Variants in RBM19 observed in about 807,000 individuals in gnomAD.
RBM19 encodes RNA binding motif protein 19, also known as probable RNA-binding protein 19.
In RBM19, 94 loss-of-function variants were observed where a neutral mutation model predicts 116.8. The ratio of observed to expected loss-of-function variants is 0.80; its 90% CI spans 0.68 to 0.95. The LOEUF (loss-of-function observed/expected upper bound fraction) is 0.95. Among genes scored for constraint, RBM19 ranks in the 40% least tolerant of loss-of-function variants. The pLI, the probability that RBM19 is intolerant of heterozygous loss-of-function variation, is 0.00. For missense variants in RBM19, 1,161 were observed against 1,220.7 expected, an observed-to-expected ratio of 0.95 and a Z score of 0.73; for synonymous variants, 475 against 494.1, an observed-to-expected ratio of 0.96 and a Z score of 0.51.
chr12:113,927,029 C>A (rs762481279), intron 17 of RBM19, 25 bp downstream of exon 17: 2 of 1,601,726 alleles, frequency 1.2e-6, no homozygotes, highest in Non-Finnish European at 8.5e-7. Context: ...CACGCCCCTC[C>A]CTCCTGGGCT....
chr12:113,926,508 A>G (rs1167045045), intron 17 of RBM19, among the ~76,000 whole-genome samples: 1 of 152,146 alleles, frequency 6.6e-6, no homozygotes, highest in Non-Finnish European at 1.5e-5. Flanking sequence ...TTGTTTCCTG[A>G]TCGCTGGTCC....
At chr12:113,838,783 A>G (rs375218137) in intron 23 of RBM19, among the ~76,000 whole-genome samples, 1 of 152,214 alleles carries the variant, frequency 6.6e-6, no homozygotes, top group East Asian at 1.9e-4. Context: ...TCAGGGACCC[A>G]GGGAAGATGA....
chr12:113,848,032 C>A (rs1252685702), intron 22 of RBM19, among the ~76,000 whole-genome samples: 2 of 152,200 alleles, frequency 1.3e-5, no homozygotes, highest in African/African-American at 2.4e-5. Context: ...TGCTCCAGTG[C>A]TTATGAGCTG....
At chr12:113,949,978 C>A in intron 9 of RBM19, 105 bp downstream of exon 9, 2 of 1,036,670 alleles carry the variant, frequency 1.9e-6, no homozygotes, top group Non-Finnish European at 2.9e-6. Flanking sequence ...AGAGACACTG[C>A]ATTCTTGGTG....
At chr12:113,875,872 A>C (rs552453821) in intron 21 of RBM19, among the ~76,000 whole-genome samples, 127 of 152,226 alleles carry the variant, frequency 8.3e-4, no homozygotes, top group African/African-American at 2.9e-3. Context: ...CACACACAGG[A>C]GAGGGGCCGT....
At chr12:113,963,363 G>C (rs1208132978) in intron 1 of RBM19, among the ~76,000 whole-genome samples, 1 of 152,188 alleles carries the variant, frequency 6.6e-6, no homozygotes, top group Non-Finnish European at 1.5e-5. Context: ...TTTCTAAGCA[G>C]ATACTGGGAT....
intron 21 of RBM19, among the ~76,000 whole-genome samples, chr12:113,907,886 C>T (rs144641772): frequency 1.6e-4 from 24 of 152,156 alleles, no homozygotes; most frequent in African/African-American, 5.1e-4. Flanking sequence ...AACTCTGCTG[C>T]GGAAGCCCCA....
intron 18 of RBM19, among the ~76,000 whole-genome samples, chr12:113,921,615 A>G (rs1200781132): frequency 6.6e-6 from 1 of 152,288 alleles, no homozygotes; most frequent in East Asian, 1.9e-4. Context: ...AGCCAACTGC[A>G]TTAAGGAATT....
At chr12:113,940,213 A>T in intron 14 of RBM19, 53 bp from the exon 15 acceptor site, 1 of 1,535,368 alleles carries the variant, frequency 6.5e-7, no homozygotes, top group Non-Finnish European at 8.9e-7. Context: ...GAGGGTCCCC[A>T]GCTGACACCA....
chr12:113,872,309 T>C (rs890164244), intron 21 of RBM19, among the ~76,000 whole-genome samples: 4 of 146,676 alleles, frequency 2.7e-5, no homozygotes, highest in African/African-American at 7.6e-5. Flanking sequence ...GTCTGAGAAG[T>C]GAGGAGCCCC....
At position 113,825,419 on chromosome 12, in the gene RBM19, T is replaced by C. The variant is rs16943277; in HGVS notation, c.2786-2098A>G. ...CTTGTGACCTCCTAGACACTCTTGG[T>C]TTCCTTATAATCGCCAGCCCTGGAG... On this transcript the variant is annotated intron_variant, in intron 23 of 23. Transcript: ENST00000261741. The surrounding 1 kb of genome is among the most constrained non-coding windows in gnomAD (Gnocchi z 5.7). 0.031 allele frequency among the ~76,000 whole-genome samples: 4,689 copies of C among 152,286 alleles called. 232 individuals are homozygous for C. Among genetic ancestry groups the C allele is most frequent in the African/African-American group, 0.11 (4,377 of 41,546 alleles).
At chr12:113,945,777 C>T (rs1005650565) in intron 13 of RBM19, 51 bp downstream of exon 13, 1 of 1,439,524 alleles carries the variant, frequency 6.9e-7, no homozygotes, top group Non-Finnish European at 9.7e-7. Context: ...TGCTCTTTCT[C>T]CCCTTCAGTT....
At chr12:113,944,121 G>GGA (rs1197172787) in intron 13 of RBM19, among the ~76,000 whole-genome samples, 6 of 90,392 alleles carry the variant, frequency 6.6e-5, no homozygotes, top group Admixed American at 3.1e-4. Context: ...TTTTTTTGGG[G>GGA]CAGACTCTCG....
intron 22 of RBM19, among the ~76,000 whole-genome samples, chr12:113,854,683 C>A (rs903764960): frequency 2.6e-5 from 4 of 152,210 alleles, no homozygotes; most frequent in Non-Finnish European, 5.9e-5. Flanking sequence ...CTCTGGTCAC[C>A]AGGGCCCGTG....
At chr12:113,819,013 T>C (rs1248001776), downstream of RBM19, among the ~76,000 whole-genome samples, 1 of 152,212 alleles carries the variant, frequency 6.6e-6, no homozygotes, top group Non-Finnish European at 1.5e-5. Context: ...GAGTTTCTCT[T>C]CTACCAGCCT....
rs565204655 is a variant in RBM19 at position 113,945,902 on chromosome 12, A to G, written c.1552T>C (p.Phe518Leu). Reference protein sequence around the residue: ...SASSHNWNTLFMGPNAVADAI... With the variant: ...SASSHNWNTLLMGPNAVADAI... Reference sequence around the variant, plus strand: ...TCGGCCACGGCATTCGGCCCCATGAATAGTGTGTTCCAGTTGTGAGAGCTA... The same window carrying G: ...TCGGCCACGGCATTCGGCCCCATGAGTAGTGTGTTCCAGTTGTGAGAGCTA... Residue 518 changes from phenylalanine to leucine, a missense_variant, in exon 13 of 24, where the codon TTC (phenylalanine) becomes CTC (leucine). Physicochemically the swap from Phe to Leu is conservative, Grantham distance 22 (BLOSUM62 0). Transcript: ENST00000261741. 1.7e-4 allele frequency: 273 copies of G among 1,584,776 alleles called. 3 individuals carry two copies. In the South Asian group the frequency reaches 2.9e-3, roughly 17 times the overall value.
At chr12:113,901,003 A>G (rs905342601) in intron 21 of RBM19, among the ~76,000 whole-genome samples, 6 of 152,200 alleles carry the variant, frequency 3.9e-5, no homozygotes, top group African/African-American at 1.4e-4. Context: ...AGAGACACAG[A>G]TAGACAGAAG....
intron 1 of RBM19, among the ~76,000 whole-genome samples, chr12:113,963,376 T>C (rs1174636045): frequency 6.6e-6 from 1 of 152,158 alleles, no homozygotes; most frequent in Non-Finnish European, 1.5e-5. Context: ...ACTGGGATAT[T>C]TGTGTGTGTG....
In RBM19 at chr12:113,964,052, GA is replaced by G. The variant is rs1263904347; in HGVS notation, c.37-1639del. Among the ~76,000 whole-genome samples, 7 of 152,328 alleles carry G rather than the reference GA, an allele frequency of 4.6e-5. No individual in the cohort carries two copies. The East Asian group carries it at 1.4e-3, about 29-fold the overall frequency. On this transcript the variant is annotated intron_variant, in intron 1 of 23. Coordinates refer to ENST00000261741, the MANE Select transcript of RBM19 (RefSeq NM_016196.4). ...TCAGTGATGCACCTTGCATCGTAAT[GA>G]TCTGGTGCCTCTCTTTTCTGCTAGC... is the stretch of plus-strand genomic sequence containing the variant.
Sources: allele counts gnomAD v4.1 joint callset (sites outside exome capture counted in the v4.1 genomes callset), GRCh38; gene constraint gnomAD v4.1.1; non-coding constraint Gnocchi (gnomAD v3.1); transcripts MANE v1.5; gene names NCBI Gene and HGNC (gene_info 2026-07-23, HGNC 2026-07-21).